PCDHA13: variants seen among roughly 807,000 people sequenced by gnomAD.
The protein encoded by PCDHA13 is protocadherin alpha-13.
Under a neutral mutation model 64.8 loss-of-function variants are expected in PCDHA13, and 54 were observed. The ratio of observed to expected loss-of-function variants is 0.83; its 90% CI spans 0.67 to 1.04. The LOEUF (loss-of-function observed/expected upper bound fraction) is 1.04, where lower values mean the gene tolerates loss of function less well. Among genes scored for constraint, PCDHA13 ranks in the 50% least tolerant of loss-of-function variants. The pLI, the probability that PCDHA13 is intolerant of heterozygous loss-of-function variation, is 0.00. For synonymous variants in PCDHA13, 587 were observed against 564.4 expected (o/e 1.04, Z -0.57); for missense variants, 1,248 against 1,254.3 (o/e 0.99, Z 0.08).
At chr5:140,975,010 C>T (rs2096649304) in intron 1 of PCDHA13, among the ~76,000 whole-genome samples, 1 of 152,182 alleles carries the variant, frequency 6.6e-6, no homozygotes, top group Admixed American at 6.5e-5. Context: ...GAAATGAACA[C>T]AGCTGGGCTG....
intron 1 of PCDHA13, among the ~76,000 whole-genome samples, chr5:140,945,500 T>A (rs2093799104): frequency 6.6e-6 from 1 of 152,046 alleles, no homozygotes; most frequent in South Asian, 2.1e-4. Flanking sequence ...CAAAGCAATA[T>A]TGAGCAAAGT....
intron 1 of PCDHA13, among the ~76,000 whole-genome samples, chr5:140,937,911 CA>C (rs200797202): frequency 0.5 from 59,181 of 117,836 alleles, 12,230 homozygotes; most frequent in African/African-American, 0.63. Flanking sequence ...GACTCCGTCT[CA>C]AAAAAAAAAA....
chr5:140,942,540 G>T (rs1013086382), intron 1 of PCDHA13, among the ~76,000 whole-genome samples: 52 of 152,164 alleles, frequency 3.4e-4, no homozygotes, highest in African/African-American at 1.1e-3. Flanking sequence ...TCAGTATGGT[G>T]GGGGGTAGGG....
chr5:140,902,381 A>G (rs2153476778), intron 1 of PCDHA13, among the ~76,000 whole-genome samples: 1 of 152,036 alleles, frequency 6.6e-6, no homozygotes, highest in South Asian at 2.1e-4. Flanking sequence ...TGCTCTAGCT[A>G]AGAGTACTAT....
rs191365735 is a variant in PCDHA13 at position 140,910,066 on chromosome 5, C to T, written c.2394+25404C>T. Among the ~76,000 whole-genome samples the T allele has an allele frequency of 7.2e-5, 11 of 152,234 alleles. No individual in the cohort carries two copies. In the East Asian group the frequency reaches 1.5e-3, roughly 21 times the overall value. On this transcript the variant is annotated intron_variant, in intron 1 of 3. Coordinates refer to ENST00000289272, the MANE Select transcript of PCDHA13 (RefSeq NM_018904.3). ...GTCATAATAAGTGATCTTTTAACAG[C>T]GTAAATTGTTGTCAAGGGGAACCAG...
At chr5:140,888,649 A>G (rs1554183557) in intron 1 of PCDHA13, among the ~76,000 whole-genome samples, 1 of 152,210 alleles carries the variant, frequency 6.6e-6, no homozygotes, top group African/African-American at 2.4e-5. Flanking sequence ...TACTTTCCTG[A>G]GGACACCACC....
intron 1 of PCDHA13, among the ~76,000 whole-genome samples, chr5:140,953,512 C>G (rs2094896275): frequency 6.6e-6 from 1 of 152,106 alleles, no homozygotes; most frequent in Non-Finnish European, 1.5e-5. Context: ...TAGGCCAAAG[C>G]AACAAAAACG....
chr5:141,005,737 G>A (rs568489145), intron 3 of PCDHA13, among the ~76,000 whole-genome samples: 173 of 143,620 alleles, frequency 1.2e-3, no homozygotes, highest in African/African-American at 4.5e-3. Flanking sequence ...AAAAAGAATG[G>A]ATGAGAAATC....
At chr5:140,989,531 G>C (rs782610172) in intron 3 of PCDHA13, among the ~76,000 whole-genome samples, 1 of 152,198 alleles carries the variant, frequency 6.6e-6, no homozygotes, top group Non-Finnish European at 1.5e-5. Flanking sequence ...AGAGGAGGAA[G>C]ATAGTTTGTA....
chr5:140,918,703 A>G (rs2153549940), intron 1 of PCDHA13, among the ~76,000 whole-genome samples: 1 of 152,306 alleles, frequency 6.6e-6, no homozygotes, highest in Non-Finnish European at 1.5e-5. Context: ...TTAAGTCATG[A>G]GGGCAGAGCC....
chr5:141,000,774 G>A (rs1399583734), intron 3 of PCDHA13, among the ~76,000 whole-genome samples: 1 of 151,828 alleles, frequency 6.6e-6, no homozygotes, highest in Non-Finnish European at 1.5e-5. Context: ...AGGCATAGTG[G>A]CGCACACCTG....
intron 1 of PCDHA13, among the ~76,000 whole-genome samples, chr5:140,905,257 C>T (rs920530176): frequency 6.6e-6 from 1 of 152,168 alleles, no homozygotes; most frequent in African/African-American, 2.4e-5. Context: ...CCACATGAGG[C>T]TTGGCAGTTA....
chr5:140,959,413 T>G (rs1328731924), intron 1 of PCDHA13, among the ~76,000 whole-genome samples: 1 of 152,152 alleles, frequency 6.6e-6, no homozygotes, highest in Admixed American at 6.6e-5. Context: ...TGTTGATTGA[T>G]CTGAGAATTT....
intron 1 of PCDHA13, chr5:140,967,162 C>T (rs782524334): frequency 1.9e-6 from 3 of 1,610,776 alleles, no homozygotes; most frequent in Non-Finnish European, 2.5e-6. Context: ...TGGCGGTGAG[C>T]GCCGTTGAGG....
chr5:140,993,203 A>T (rs1563587510), intron 3 of PCDHA13, among the ~76,000 whole-genome samples: 2 of 152,090 alleles, frequency 1.3e-5, no homozygotes, highest in African/African-American at 4.8e-5. Context: ...ACTAAAGCTA[A>T]TTTTTTTAGC....
intron 1 of PCDHA13, among the ~76,000 whole-genome samples, chr5:140,960,353 A>T (rs1197291282): frequency 6.6e-6 from 1 of 152,214 alleles, no homozygotes; most frequent in African/African-American, 2.4e-5. Context: ...ATATGTACTG[A>T]AATAATATGC....
chr5:140,932,750 GGAAA>G (rs1554209054), intron 1 of PCDHA13, among the ~76,000 whole-genome samples: 1 of 151,518 alleles, frequency 6.6e-6, no homozygotes, highest in Non-Finnish European at 1.5e-5. Flanking sequence ...TCAGTAAAAA[GGAAA>G]GAAAAAGAAC....
At chr5:140,968,673 A>G in intron 1 of PCDHA13, 2 of 1,614,168 alleles carry the variant, frequency 1.2e-6, no homozygotes, top group Non-Finnish European at 1.7e-6. Context: ...TTTAAGGTAG[A>G]GCTGCACACA....
intron 3 of PCDHA13, among the ~76,000 whole-genome samples, chr5:140,999,809 CAA>C (rs1350603380): frequency 1.3e-5 from 2 of 152,160 alleles, no homozygotes; most frequent in African/African-American, 2.4e-5. Flanking sequence ...GGGCACAAAG[CAA>C]GAGCTGTGGC....
Sources: gnomAD v4.1 joint callset for allele counts (sites outside exome capture counted in the v4.1 genomes callset) on GRCh38, gnomAD v4.1.1 for gene constraint, MANE v1.5 for transcripts, NCBI Gene and HGNC (gene_info 2026-07-23, HGNC 2026-07-21) for gene names.